LRRC28: variants seen among roughly 807,000 people sequenced by gnomAD.
LRRC28 encodes leucine-rich repeat-containing protein 28.
A neutral mutation model predicts 45.7 loss-of-function variants in LRRC28; 39 were observed. The observed-to-expected ratio is 0.85, with a 90% CI of 0.66 to 1.12. The LOEUF (loss-of-function observed/expected upper bound fraction) is 1.12, where lower values mean the gene tolerates loss of function less well. Among genes scored for constraint, LRRC28 ranks in the 50% most tolerant of loss-of-function variants. The probability of loss-of-function intolerance (pLI) is 0.00; values close to 1 mark genes in which losing one functional copy is unlikely to be tolerated. For synonymous variants in LRRC28, 206 were observed against 178.8 expected (o/e 1.15, Z -1.22); for missense variants, 435 against 438.5 (o/e 0.99, Z 0.07).
intron 5 of LRRC28, among the ~76,000 whole-genome samples, chr15:99,295,819 C>A (rs1467617234): frequency 1.3e-5 from 2 of 152,154 alleles, no homozygotes; most frequent in Non-Finnish European, 2.9e-5. Flanking sequence ...CCACATATAA[C>A]CAGCATGTGT....
intron 2 of LRRC28, among the ~76,000 whole-genome samples, chr15:99,267,777 G>A (rs189929866): frequency 6.6e-6 from 1 of 152,284 alleles, no homozygotes; most frequent in East Asian, 1.9e-4. Context: ...TGAATTTTCA[G>A]ATTTAGAAGC....
At chr15:99,362,956 T>G (rs950289217) in intron 8 of LRRC28, 150 bp from the exon 9 acceptor site, 12 of 730,252 alleles carry the variant, frequency 1.6e-5, no homozygotes, top group Non-Finnish European at 2.2e-5. Context: ...TGTTAGATTT[T>G]TATTCAGTGT....
At chr15:99,346,294 A>G (rs1159728851) in intron 6 of LRRC28, among the ~76,000 whole-genome samples, 1 of 152,202 alleles carries the variant, frequency 6.6e-6, no homozygotes, top group African/African-American at 2.4e-5. Context: ...TTTCTGCCTC[A>G]GCCTCCTGAG....
intron 5 of LRRC28, 77 bp downstream of exon 5, chr15:99,288,028 G>A (rs2082005625): frequency 4.5e-6 from 6 of 1,341,704 alleles, no homozygotes; most frequent in Middle Eastern, 1.9e-4. Context: ...CTATGTCTAG[G>A]CAATGAGCTG....
rs1216539864 is a variant in LRRC28, at chr15:99,388,948, T to G, written c.*2846T>G. ...ATCAGTGTTCTTCAGTATGTCCAAT[T>G]GTTATCATACCAAAAACCTTAATTA... On this transcript the variant is annotated 3_prime_UTR_variant, in exon 10 of 10. Transcript: ENST00000301981. 1 of 152,340 alleles carries G rather than the reference T, an allele frequency of 6.6e-6. No homozygotes were observed. Among genetic ancestry groups the G allele is most frequent in the East Asian group, 1.9e-4 (1 of 5,188 alleles). 9.4% of individuals were successfully genotyped at this position (152,340 alleles called of 1,614,324 possible).
chr15:99,277,957 ATATCT>A (rs1202138794), intron 3 of LRRC28, among the ~76,000 whole-genome samples: 6 of 152,162 alleles, frequency 3.9e-5, no homozygotes, highest in African/African-American at 7.2e-5. Flanking sequence ...TTGTCATGTT[ATATCT>A]TCTAACTGGT....
At position 99,387,969 on chromosome 15, in the gene LRRC28, G is replaced by T. The variant is rs149377542; in HGVS notation, c.*1867G>T. 6.6e-6 allele frequency: 1 copy of T among 152,198 alleles called. No homozygotes were observed. The highest frequency in any genetic ancestry group is 1.5e-5 in the Non-Finnish European group (1 of 68,042). 9.4% of individuals were successfully genotyped at this position (152,198 alleles called of 1,614,324 possible). ...AGAATGGAGAAGGCAGAAAGTTACC[G>T]TGTGTTCCCACTGTATCTGCACTGT... On this transcript the variant is annotated 3_prime_UTR_variant, in exon 10 of 10. Transcript: ENST00000301981.
chr15:99,296,308 A>G (rs2082261338), intron 5 of LRRC28, among the ~76,000 whole-genome samples: 1 of 152,156 alleles, frequency 6.6e-6, no homozygotes, highest in Non-Finnish European at 1.5e-5. Flanking sequence ...CATTGTGCCT[A>G]CCTACTATGT....
chr15:99,288,637 C>A (rs2082026644), intron 5 of LRRC28, among the ~76,000 whole-genome samples: 1 of 152,026 alleles, frequency 6.6e-6, no homozygotes, highest in African/African-American at 2.4e-5. Flanking sequence ...GCCTTGGCCT[C>A]CCAAAGTTCT....
At chr15:99,266,847 G>C (rs2081345290) in intron 2 of LRRC28, among the ~76,000 whole-genome samples, 1 of 152,196 alleles carries the variant, frequency 6.6e-6, no homozygotes, top group African/African-American at 2.4e-5. Flanking sequence ...GGACAATCCT[G>C]TGATGTAGGC....
intron 5 of LRRC28, among the ~76,000 whole-genome samples, chr15:99,314,506 G>A (rs190722345): frequency 2.2e-4 from 34 of 152,068 alleles, no homozygotes; most frequent in Admixed American, 1.1e-3. Context: ...ACAGAGCTGC[G>A]GAATCCATAT....
intron 5 of LRRC28, among the ~76,000 whole-genome samples, chr15:99,304,586 A>G (rs1320837555): frequency 6.6e-6 from 1 of 151,850 alleles, no homozygotes; most frequent in African/African-American, 2.4e-5. Context: ...GTGCACCAAC[A>G]CGCCCGGCTC....
chr15:99,259,154 T>C, intron 2 of LRRC28: 1 of 1,305,492 alleles, frequency 7.7e-7, no homozygotes. Flanking sequence ...TAGGTTCCAG[T>C]CTTCTCATCA....
At chr15:99,349,667 C>T (rs1956808315) in intron 6 of LRRC28, among the ~76,000 whole-genome samples, 1 of 152,094 alleles carries the variant, frequency 6.6e-6, no homozygotes, top group African/African-American at 2.4e-5. Flanking sequence ...AGAAAGTAGT[C>T]ATAACATAAA....
At chr15:99,298,734 A>G (rs1263727520) in intron 5 of LRRC28, among the ~76,000 whole-genome samples, 1 of 152,120 alleles carries the variant, frequency 6.6e-6, no homozygotes, top group Non-Finnish European at 1.5e-5. Context: ...TGTGAGATGG[A>G]GTCTCGCTCT....
intron 5 of LRRC28, among the ~76,000 whole-genome samples, chr15:99,322,677 A>G (rs1955841091): frequency 6.6e-6 from 1 of 152,198 alleles, no homozygotes; most frequent in Non-Finnish European, 1.5e-5. Context: ...TCAGACCCCC[A>G]TTAGGGTCCA....
intron 9 of LRRC28, among the ~76,000 whole-genome samples, chr15:99,374,882 T>C (rs1957583137): frequency 6.6e-6 from 1 of 151,964 alleles, no homozygotes; most frequent in African/African-American, 2.4e-5. Flanking sequence ...TTAGTCAAGA[T>C]GATCTCGATC....
chr15:99,268,315 T>C (rs2081384712), intron 2 of LRRC28, among the ~76,000 whole-genome samples: 1 of 152,190 alleles, frequency 6.6e-6, no homozygotes, highest in Non-Finnish European at 1.5e-5. Context: ...TTAAATGAAA[T>C]GTAGGGAACC....
intron 5 of LRRC28, chr15:99,320,521 A>G (rs1347498040): frequency 1.3e-5 from 2 of 152,166 alleles, no homozygotes; most frequent in Admixed American, 1.3e-4. Flanking sequence ...GTTTCCCAAC[A>G]CCTGGTTAAC....
Sources: allele counts gnomAD v4.1 joint callset (sites outside exome capture counted in the v4.1 genomes callset), GRCh38; gene constraint gnomAD v4.1.1; transcripts MANE v1.5; gene names NCBI Gene and HGNC (gene_info 2026-07-23, HGNC 2026-07-21).